Variants in HS6ST3 observed in about 807,000 individuals in gnomAD.
The protein encoded by HS6ST3 is heparan sulfate 6-O-sulfotransferase 3.
In HS6ST3, 12 loss-of-function variants were observed where a neutral mutation model predicts 36.7. That is an observed-to-expected ratio of 0.33 (90% CI 0.21 to 0.53). The LOEUF is 0.53. Ranked by LOEUF, HS6ST3 falls within the 20% of genes least tolerant of loss-of-function variation. The probability of loss-of-function intolerance (pLI) is 0.95; values close to 1 mark genes in which losing one functional copy is unlikely to be tolerated. For missense variants in HS6ST3, 584 were observed against 640.9 expected (o/e 0.91, Z 0.96); for synonymous variants, 240 against 257.5 (o/e 0.93, Z 0.65).
At chr13:96,213,189 G>A (rs995600302) in intron 1 of HS6ST3, among the ~76,000 whole-genome samples, 6 of 152,118 alleles carry the variant, frequency 3.9e-5, no homozygotes, top group African/African-American at 1.4e-4. Context: ...GATGGCCCCA[G>A]GTTTTCCTTA....
At chr13:96,586,807 G>T (rs1331973945) in intron 1 of HS6ST3, among the ~76,000 whole-genome samples, 2 of 152,052 alleles carry the variant, frequency 1.3e-5, no homozygotes, top group Non-Finnish European at 2.9e-5. Flanking sequence ...TTAGTTTGGT[G>T]TAATCCCATT....
intron 1 of HS6ST3, among the ~76,000 whole-genome samples, chr13:96,381,520 G>C (rs2055341775): frequency 6.6e-6 from 1 of 152,054 alleles, no homozygotes; most frequent in Admixed American, 6.6e-5. Context: ...TGGTTGCCTA[G>C]CTTCTCTGAG....
intron 1 of HS6ST3, among the ~76,000 whole-genome samples, chr13:96,285,076 T>C (rs1019067785): frequency 4.6e-5 from 7 of 152,084 alleles, no homozygotes; most frequent in African/African-American, 1.7e-4. Context: ...CTTATTAGTC[T>C]TGCACTTCAT....
intron 1 of HS6ST3, among the ~76,000 whole-genome samples, chr13:96,591,113 T>A (rs1041470110): frequency 6.6e-5 from 10 of 152,130 alleles, no homozygotes; most frequent in African/African-American, 2.4e-4. Flanking sequence ...TAGTATAATT[T>A]GAAGACAGGT....
intron 1 of HS6ST3, among the ~76,000 whole-genome samples, chr13:96,185,329 T>C (rs954226450): frequency 7.2e-5 from 11 of 152,228 alleles, no homozygotes; most frequent in African/African-American, 1.9e-4. Flanking sequence ...TAGAGTGCTT[T>C]AACATTTATA....
At chr13:96,237,328 A>G (rs1180270382) in intron 1 of HS6ST3, among the ~76,000 whole-genome samples, 1 of 152,040 alleles carries the variant, frequency 6.6e-6, no homozygotes, top group African/African-American at 2.4e-5. Flanking sequence ...CTCCCCTTTT[A>G]TTACAATAGG....
At chr13:96,447,698 G>A (rs1179073663) in intron 1 of HS6ST3, among the ~76,000 whole-genome samples, 1 of 152,042 alleles carries the variant, frequency 6.6e-6, no homozygotes, top group Non-Finnish European at 1.5e-5. Context: ...TTTTTCTAGG[G>A]CTACGTGAAT....
intron 1 of HS6ST3, among the ~76,000 whole-genome samples, chr13:96,424,471 A>G (rs111708683): frequency 5.9e-5 from 9 of 152,336 alleles, no homozygotes; most frequent in African/African-American, 1.9e-4. Flanking sequence ...CTGAAGTGAC[A>G]TCTTAGTCCC....
intron 1 of HS6ST3, among the ~76,000 whole-genome samples, chr13:96,625,831 ATTC>A (rs1333088451): frequency 1.3e-5 from 2 of 151,038 alleles, no homozygotes; most frequent in Non-Finnish European, 3.0e-5. Flanking sequence ...GTAAAGAGAA[ATTC>A]TTCTTCTTTT....
At chr13:96,294,086 A>G (rs2139400332) in intron 1 of HS6ST3, among the ~76,000 whole-genome samples, 1 of 152,250 alleles carries the variant, frequency 6.6e-6, no homozygotes, top group Admixed American at 6.5e-5. Flanking sequence ...TGGATTTGGT[A>G]AAGCTGTTAT....
chr13:96,215,601 T>C (rs1273183842), intron 1 of HS6ST3, among the ~76,000 whole-genome samples: 1 of 152,212 alleles, frequency 6.6e-6, no homozygotes, highest in Non-Finnish European at 1.5e-5. Flanking sequence ...GTGAGATTCT[T>C]TTGTAGTTTC....
chr13:96,607,299 T>C (rs1464715911), intron 1 of HS6ST3, among the ~76,000 whole-genome samples: 1 of 152,178 alleles, frequency 6.6e-6, no homozygotes, highest in Non-Finnish European at 1.5e-5. Flanking sequence ...TGAAGAAACA[T>C]ATGTAAGATA....
At chr13:96,232,716 C>G (rs543835796) in intron 1 of HS6ST3, among the ~76,000 whole-genome samples, 28 of 152,134 alleles carry the variant, frequency 1.8e-4, no homozygotes, top group African/African-American at 6.0e-4. Flanking sequence ...AAGGGAAGAT[C>G]AGTAGGAAGA....
chr13:96,669,266 T>C (rs893733013), intron 1 of HS6ST3, among the ~76,000 whole-genome samples: 1 of 152,202 alleles, frequency 6.6e-6, no homozygotes, highest in African/African-American at 2.4e-5. Context: ...ACATGTTTAC[T>C]GCACTGTGTT....
At chr13:96,572,794 A>G (rs2056305533) in intron 1 of HS6ST3, among the ~76,000 whole-genome samples, 1 of 152,188 alleles carries the variant, frequency 6.6e-6, no homozygotes, top group Non-Finnish European at 1.5e-5. Context: ...ACACAAGGGC[A>G]ATATTCTAAC....
At chr13:96,231,951 G>T (rs1289317970) in intron 1 of HS6ST3, among the ~76,000 whole-genome samples, 1 of 152,186 alleles carries the variant, frequency 6.6e-6, no homozygotes, top group Admixed American at 6.5e-5. Flanking sequence ...TGACACCAGT[G>T]TGAAGGATTG....
Position 96,620,463 on chromosome 13 carries a change from C to T in HS6ST3, c.708-212027C>T, listed in dbSNP as rs375667730. Among the ~76,000 whole-genome samples, 23 of 152,218 alleles carry T rather than the reference C, an allele frequency of 1.5e-4. No homozygotes were observed. In the South Asian group the frequency reaches 3.3e-3, roughly 22 times the overall value. On this transcript the variant is annotated intron_variant, in intron 1 of 1. Coordinates refer to ENST00000376705, the MANE Select transcript of HS6ST3 (RefSeq NM_153456.4). ...TGCACTTACACAAGTACCCTGGGTTCGAGAAACAGTGAAGCACCTACCCAG... is the reference window on the plus strand; with the variant it reads ...TGCACTTACACAAGTACCCTGGGTTTGAGAAACAGTGAAGCACCTACCCAG...
rs147052888 is a variant in HS6ST3, at chr13:96,629,161, C to T, written c.708-203329C>T. Among the ~76,000 whole-genome samples the T allele has an allele frequency of 7.4e-3, 1,120 of 152,256 alleles. 8 individuals are homozygous for T. The highest frequency in any genetic ancestry group is 0.012 in the Non-Finnish European group (844 of 68,008). On this transcript the variant is annotated intron_variant, in intron 1 of 1. Coordinates refer to ENST00000376705, the MANE Select transcript of HS6ST3 (RefSeq NM_153456.4). ...ACAATTTAAAATTATCTTAATCTTACTCTCATTCCAACTGTTCCAAAGACC... is the reference window on the plus strand; with the variant it reads ...ACAATTTAAAATTATCTTAATCTTATTCTCATTCCAACTGTTCCAAAGACC...
intron 1 of HS6ST3, among the ~76,000 whole-genome samples, chr13:96,673,142 A>AT (rs2056687854): frequency 6.6e-6 from 1 of 152,168 alleles, no homozygotes; most frequent in Non-Finnish European, 1.5e-5. Flanking sequence ...CAAGGCCAGC[A>AT]TCTTTAAGTC....
Sources: allele counts gnomAD v4.1 joint callset (sites outside exome capture counted in the v4.1 genomes callset), GRCh38; gene constraint gnomAD v4.1.1; transcripts MANE v1.5; gene names NCBI Gene and HGNC (gene_info 2026-07-23, HGNC 2026-07-21).